TMEM245: variants seen among roughly 807,000 people sequenced by gnomAD.
The protein encoded by TMEM245 is transmembrane protein 245.
In TMEM245, 69 loss-of-function variants were observed where a neutral mutation model predicts 101.2. That is an observed-to-expected ratio of 0.68 (90% CI 0.56 to 0.83). The LOEUF is 0.83. Ranked by LOEUF, TMEM245 falls within the 40% of genes least tolerant of loss-of-function variation. The pLI is 0.00. For missense variants in TMEM245, 1,075 were observed against 1,092.8 expected (o/e 0.98, Z 0.23); for synonymous variants, 537 against 449.8 (o/e 1.19, Z -2.45).
chr9:109,057,131 T>G, intron 12 of TMEM245, 60 bp downstream of exon 12: 1 of 1,573,236 alleles, frequency 6.4e-7, no homozygotes, highest in Non-Finnish European at 8.7e-7. Context: ...TGAAGAAAAC[T>G]TGGAATTACA....
intron 14 of TMEM245, among the ~76,000 whole-genome samples, chr9:109,048,189 T>C (rs1235292335): frequency 1.3e-5 from 2 of 151,880 alleles, no homozygotes; most frequent in African/African-American, 4.8e-5. Flanking sequence ...GTTAAGAGCA[T>C]TTTTTTTAAT....
rs1827493272 is a variant in TMEM245, at chr9:109,017,784, C to G, written c.*2676G>C. On this transcript the variant is annotated 3_prime_UTR_variant, in exon 18 of 18. Coordinates refer to ENST00000374586, the MANE Select transcript of TMEM245 (RefSeq NM_032012.4). ...TCTTTGAGACTTGAGCTTAAAACTCCTACCTTTTCATACCACTTGATCTCT... is the reference window on the plus strand; with the variant it reads ...TCTTTGAGACTTGAGCTTAAAACTCGTACCTTTTCATACCACTTGATCTCT... The G allele has an allele frequency of 6.6e-6, 1 of 152,164 alleles. No homozygotes were observed. The highest frequency in any genetic ancestry group is 2.4e-5 in the African/African-American group (1 of 41,440). The allele number at this position is 152,164 out of a possible 1,614,324, so 9.4% of individuals were successfully genotyped here.
chr9:109,073,621 C>T (rs938340611), intron 8 of TMEM245, among the ~76,000 whole-genome samples, 183 bp from the exon 9 acceptor site: 6 of 152,042 alleles, frequency 3.9e-5, no homozygotes, highest in African/African-American at 9.7e-5. Context: ...ATACGCACTA[C>T]GGGAAATAAA....
intron 8 of TMEM245, among the ~76,000 whole-genome samples, chr9:109,077,130 G>C (rs1156284347): frequency 6.6e-6 from 1 of 151,574 alleles, no homozygotes; most frequent in African/African-American, 2.4e-5. Flanking sequence ...CAAGTTGACT[G>C]ACCGCGTTTT....
At position 109,101,562 on chromosome 9, in the gene TMEM245, T is replaced by C. The variant is rs1002173137; in HGVS notation, c.799+4946A>G. On this transcript the variant is annotated intron_variant, in intron 3 of 17. Coordinates refer to ENST00000374586, the MANE Select transcript of TMEM245 (RefSeq NM_032012.4). ...AGGAAAAAGAAACACTTAAAAGATT[T>C]ATTTTATGATGAGGATTATTTAGAC... Among the ~76,000 whole-genome samples the C allele has an allele frequency of 9.2e-5, 14 of 152,350 alleles. No individual in the cohort carries two copies. The East Asian group carries it at 9.6e-4, about 10-fold the overall frequency.
At chr9:109,060,484 A>G (rs1431376244) in intron 10 of TMEM245, 32 bp from the exon 11 acceptor site, 15 of 1,474,568 alleles carry the variant, frequency 1.0e-5, no homozygotes, top group Admixed American at 7.0e-5. Context: ...ACGTGGTACA[A>G]TATTTCAGGC....
At position 109,095,509 on chromosome 9, in the gene TMEM245, C is replaced by A. The variant is rs747663496; in HGVS notation, c.800-1918G>T. Among the ~76,000 whole-genome samples, 147 of 152,248 alleles carry A rather than the reference C, an allele frequency of 9.7e-4. 8 individuals carry two copies. Among genetic ancestry groups the A allele is most frequent in the Non-Finnish European group, 3.5e-4 (24 of 68,022 alleles). On this transcript the variant is annotated intron_variant, in intron 3 of 17. Transcript: ENST00000374586. ...AAGGTCAGTGTGTCTGGAACACAGA[C>A]AGCTAGTAAGAAACTGGTATCAAAT...
At position 109,036,202 on chromosome 9, in the gene TMEM245, T is replaced by G. The variant is rs779976034; in HGVS notation, c.2399+4A>C. 5 of 1,582,018 alleles carry G rather than the reference T, an allele frequency of 3.2e-6. No homozygotes were observed. Among genetic ancestry groups the G allele is most frequent in the Non-Finnish European group, 4.3e-6 (5 of 1,169,826 alleles). On this transcript the variant is annotated splice_donor_region_variant and intron_variant, in intron 16 of 17. Transcript: ENST00000374586. ...ACTAATAAGAAATTCTGTGGCTTAC[T>G]TACCCTGATATGTCAGAGTAGATTG...
At chr9:109,079,871 GT>G (rs1278065179) in intron 8 of TMEM245, among the ~76,000 whole-genome samples, 1 of 152,002 alleles carries the variant, frequency 6.6e-6, no homozygotes, top group East Asian at 1.9e-4. Flanking sequence ...CTCTAAATAA[GT>G]CTGCACAGTA....
Position 109,119,707 on chromosome 9 carries a change from G to T in TMEM245, c.207C>A (p.Ala69=), listed in dbSNP as rs369773730. ...AVLFVCLCCG[A]AVLVYFILEA... ...CCAGGATGAAGTAGACCAGCACCGCGGCGCCGCAGCACAGGCACACGAACA... is the reference window on the plus strand; with the variant it reads ...CCAGGATGAAGTAGACCAGCACCGCTGCGCCGCAGCACAGGCACACGAACA... The change falls in exon 1 of 18, where the codon GCC becomes GCA. Residue 69 remains alanine (A), a synonymous_variant. Transcript: ENST00000374586. 1.9e-6 allele frequency: 3 copies of T among 1,549,786 alleles called. No individual in the cohort carries two copies. In the African/African-American group the frequency reaches 4.2e-5, roughly 22 times the overall value.
chr9:109,033,589 T>C, intron 16 of TMEM245, 88 bp from the exon 17 acceptor site: 2 of 1,284,758 alleles, frequency 1.6e-6, no homozygotes, highest in Non-Finnish European at 2.1e-6. Flanking sequence ...TTTAATACAC[T>C]ATGCTTTTTA....
intron 12 of TMEM245, among the ~76,000 whole-genome samples, chr9:109,051,810 C>G (rs1161512808): frequency 6.6e-6 from 1 of 152,178 alleles, no homozygotes; most frequent in Admixed American, 6.5e-5. Context: ...ATTTGCTTTA[C>G]TGGCTGCCTA....
At chr9:109,051,638 T>C (rs574106027) in intron 12 of TMEM245, among the ~76,000 whole-genome samples, 1 of 152,296 alleles carries the variant, frequency 6.6e-6, no homozygotes, top group South Asian at 2.1e-4. Context: ...AATACAGTAT[T>C]ATAATCTTAT....
intron 1 of TMEM245, among the ~76,000 whole-genome samples, chr9:109,113,986 G>A (rs1465343018): frequency 6.6e-6 from 1 of 152,152 alleles, no homozygotes; most frequent in African/African-American, 2.4e-5. Context: ...TGAGGCAGGA[G>A]AATCACTTGA....
rs922750936 is a variant in TMEM245, at chr9:109,015,230, A to G, written c.*5230T>C. ...AGAAGTTACATCAGTAGGTTGTCAA[A>G]GCAAGTTAGCTAAGAAACAGCATTT... On this transcript the variant is annotated 3_prime_UTR_variant, in exon 18 of 18. Transcript: ENST00000374586. 2 of 142,706 alleles carry G rather than the reference A, an allele frequency of 1.4e-5. No homozygotes were observed. Among genetic ancestry groups the G allele is most frequent in the Non-Finnish European group, 3.2e-5 (2 of 62,532 alleles). The allele number at this position is 142,706 out of a possible 1,614,324, so 8.8% of individuals were successfully genotyped here. A position where few individuals can be genotyped will look rare whatever the true frequency, so the allele number is the denominator to read the frequency against.
At chr9:109,058,241 T>C (rs959545042) in intron 11 of TMEM245, among the ~76,000 whole-genome samples, 1 of 151,874 alleles carries the variant, frequency 6.6e-6, no homozygotes, top group Non-Finnish European at 1.5e-5. Flanking sequence ...CCTGATCTCG[T>C]GATCCGCCCG....
At chr9:109,045,511 G>C (rs779321461) in intron 14 of TMEM245, among the ~76,000 whole-genome samples, 16 of 152,208 alleles carry the variant, frequency 1.1e-4, no homozygotes, top group Non-Finnish European at 2.1e-4. Context: ...TTTTCATACA[G>C]TAATACATGG....
chr9:109,064,341 G>A (rs1369246815), intron 10 of TMEM245, 136 bp downstream of exon 10: 1 of 712,502 alleles, frequency 1.4e-6, no homozygotes, highest in Non-Finnish European at 2.3e-6. Flanking sequence ...AGATTTCATT[G>A]TATGTTGCTT....
At chr9:109,033,586 C>T in intron 16 of TMEM245, 85 bp from the exon 17 acceptor site, 2 of 1,326,426 alleles carry the variant, frequency 1.5e-6, no homozygotes, top group Non-Finnish European at 2.0e-6. Context: ...TTCTTTAATA[C>T]ACTATGCTTT....
Sources: allele counts gnomAD v4.1 joint callset (sites outside exome capture counted in the v4.1 genomes callset), GRCh38; gene constraint gnomAD v4.1.1; transcripts MANE v1.5; gene names NCBI Gene and HGNC (gene_info 2026-07-23, HGNC 2026-07-21).